Variants in BLM observed in about 807,000 individuals in gnomAD.
BLM encodes the protein BLM RecQ like helicase.
BLM carries 95 observed loss-of-function variants against 135.3 expected under a neutral mutation model. The ratio of observed to expected loss-of-function variants is 0.70; its 90% CI spans 0.59 to 0.83. The LOEUF (loss-of-function observed/expected upper bound fraction) is 0.83. Among genes scored for constraint, BLM ranks in the 40% least tolerant of loss-of-function variants. The probability of loss-of-function intolerance (pLI) is 0.00; values close to 1 mark genes in which losing one functional copy is unlikely to be tolerated. For synonymous variants in BLM, 520 were observed against 589.2 expected, an observed-to-expected ratio of 0.88 and a Z score of 1.70; for missense variants, 1,518 against 1,663.9, an observed-to-expected ratio of 0.91 and a Z score of 1.53.
chr15:90,810,679 A>G (rs1897392894), intron 20 of BLM, among the ~76,000 whole-genome samples: 1 of 152,240 alleles, frequency 6.6e-6, no homozygotes, highest in Non-Finnish European at 1.5e-5. Flanking sequence ...CATATTGTGC[A>G]AAGACAAGTT....
At chr15:90,778,364 G>A (rs946179485) in intron 12 of BLM, among the ~76,000 whole-genome samples, 2 of 152,174 alleles carry the variant, frequency 1.3e-5, no homozygotes, top group African/African-American at 2.4e-5. Context: ...TTTAGTAACA[G>A]CTTTGTTGCG....
rs568386496 is a variant in BLM, at chr15:90,761,303, A to C, written c.1882+48A>C. The C allele has an allele frequency of 2.3e-6, 3 of 1,321,166 alleles. No individual in the cohort carries two copies. In the Admixed American group the frequency reaches 8.6e-5, roughly 38 times the overall value. The allele number at this position is 1,321,166 out of a possible 1,614,324, so 81.8% of individuals were successfully genotyped here. ...GCTTATATGAAAACAAAACTGTCCCAAAATAGGAATTATATAAGAAAAACC... is the reference window on the plus strand; with the variant it reads ...GCTTATATGAAAACAAAACTGTCCCCAAATAGGAATTATATAAGAAAAACC... On this transcript the variant is annotated intron_variant, in intron 7 of 21. Transcript: ENST00000355112.
chr15:90,773,188 G>A (rs1896373440), intron 12 of BLM, among the ~76,000 whole-genome samples: 1 of 151,694 alleles, frequency 6.6e-6, no homozygotes. Context: ...GGGAGGCCAA[G>A]GGAGACGGAT....
In BLM at chr15:90,760,791, C is replaced by T. The variant is rs761284618; in HGVS notation, c.1418C>T (p.Thr473Ile). 1 of 1,613,818 alleles carries T rather than the reference C, an allele frequency of 6.2e-7. No homozygotes were observed. Among genetic ancestry groups the T allele is most frequent in the Non-Finnish European group, 8.5e-7 (1 of 1,179,996 alleles). Reference protein sequence around the residue: ...VSPGDCLLTTTLGKTGFSATR... With the variant: ...VSPGDCLLTTILGKTGFSATR... The stretch of plus-strand genomic sequence containing the variant: ...CCTGGGGACTGTTTACTGACTACCA[C>T]CCTAGGAAAGACAGGATTCTCTGCC... Residue 473 changes from threonine (T) to isoleucine (I), a missense_variant, in exon 7 of 22, where the codon ACC (threonine) becomes ATC (isoleucine). Physicochemically the swap from Thr to Ile is moderately conservative, Grantham distance 89. This residue lies in a region of BLM where 724 missense variants were observed against 756.9 expected (regional missense o/e 0.96). Coordinates refer to ENST00000355112, the MANE Select transcript of BLM (RefSeq NM_000057.4).
At position 90,792,930 on chromosome 15, in the gene BLM, A is replaced by T. The variant is rs184114764; in HGVS notation, c.3020-1237A>T. On this transcript the variant is annotated intron_variant, in intron 15 of 21. Transcript: ENST00000355112. The stretch of plus-strand genomic sequence containing the variant: ...TGGTTTGCCCATTTGTGTTTTTTTT[A>T]AAATCTATATTAAAGCTAGGCCCAA... Among the ~76,000 whole-genome samples, 883 of 150,106 alleles carry T rather than the reference A, an allele frequency of 5.9e-3. 13 individuals carry two copies. The highest frequency in any genetic ancestry group is 0.02 in the African/African-American group (801 of 40,512).
Position 90,760,282 on chromosome 15 carries a change from A to T in BLM, c.1220+3A>T, listed in dbSNP as rs1429490877. 2 of 1,614,032 alleles carry T rather than the reference A, an allele frequency of 1.2e-6. No homozygotes were observed. Among genetic ancestry groups the T allele is most frequent in the Non-Finnish European group, 1.7e-6 (2 of 1,179,990 alleles). On this transcript the variant is annotated splice_donor_region_variant and intron_variant, in intron 6 of 21. Coordinates refer to ENST00000355112, the MANE Select transcript of BLM (RefSeq NM_000057.4). ...CTGCTTCAGCAGCGGAACATAAGGT[A>T]TCTTAATTTTCCCCCTTCTGGAATA...
At position 90,791,230 on chromosome 15, in the gene BLM, C is replaced by T. The variant is rs924808698; in HGVS notation, c.3019+386C>T. 2.6e-4 allele frequency among the ~76,000 whole-genome samples: 40 copies of T among 152,120 alleles called. 1 individual carries two copies. Among genetic ancestry groups the T allele is most frequent in the Admixed American group, 8.5e-4 (13 of 15,264 alleles). On this transcript the variant is annotated intron_variant, in intron 15 of 21. Coordinates refer to ENST00000355112, the MANE Select transcript of BLM (RefSeq NM_000057.4). ...GAAAATAATGAGCTGTCATATACTA[C>T]CATCTGGATTAAGAAATAAAACACA...
chr15:90,772,482 C>T (rs540290556), intron 12 of BLM, among the ~76,000 whole-genome samples: 42 of 152,146 alleles, frequency 2.8e-4, no homozygotes, highest in Admixed American at 5.9e-4. Flanking sequence ...GTGTATTTAC[C>T]TCCTTGTCCA....
At chr15:90,804,561 T>C (rs961207492) in intron 19 of BLM, among the ~76,000 whole-genome samples, 12 of 152,144 alleles carry the variant, frequency 7.9e-5, no homozygotes, top group African/African-American at 2.9e-4. Flanking sequence ...CCTCCTGGGC[T>C]CAAGTGATCT....
intron 14 of BLM, among the ~76,000 whole-genome samples, chr15:90,786,701 C>T (rs1008124515): frequency 2.6e-5 from 4 of 151,788 alleles, no homozygotes; most frequent in Non-Finnish European, 2.9e-5. Flanking sequence ...CTGGAACTTC[C>T]GCCTCCTGGT....
At chr15:90,759,208 T>C (rs1263466948) in intron 5 of BLM, among the ~76,000 whole-genome samples, 12 of 152,068 alleles carry the variant, frequency 7.9e-5, no homozygotes, top group Non-Finnish European at 1.5e-4. Context: ...TAGGACAATA[T>C]ATGGTTGTTT....
At chr15:90,793,674 T>G (rs1054324613) in intron 15 of BLM, 1 of 152,506 alleles carries the variant, frequency 6.6e-6, no homozygotes, top group Admixed American at 6.5e-5. Context: ...GCTAATAATT[T>G]GGGTGATGTT....
rs889046632 is a variant in BLM at position 90,766,945 on chromosome 15, C to T, written c.2229C>T (p.Asp743=). 10 of 1,605,374 alleles carry T rather than the reference C, an allele frequency of 6.2e-6. No homozygotes were observed. The highest frequency in any genetic ancestry group is 8.5e-6 in the Non-Finnish European group (10 of 1,172,922). The part of the protein sequence containing the change: ...PATYLTGDKT[D]SEATNIYLQL... ...CATATCTGACAGGTGATAAGACTGA[C>T]TCAGAAGCTACAAATATTTACCTCC... The change falls in exon 10 of 22, where the codon GAC becomes GAT. Residue 743 remains aspartate (D), a synonymous_variant. Coordinates refer to ENST00000355112, the MANE Select transcript of BLM (RefSeq NM_000057.4).
rs569098841 is a variant in BLM at position 90,785,428 on chromosome 15, C to T, written c.2823+347C>T. Among the ~76,000 whole-genome samples, 198 of 152,258 alleles carry T rather than the reference C, an allele frequency of 1.3e-3. 1 individual carries two copies. The highest frequency in any genetic ancestry group is 4.5e-3 in the African/African-American group (187 of 41,568). ...TCATACCCAGTCACTTCCCCCACCC[C>T]CTAATGCCTGGAAACCACAAATCTA... is the stretch of plus-strand genomic sequence containing the variant. On this transcript the variant is annotated intron_variant, in intron 14 of 21. Transcript: ENST00000355112.
At position 90,761,218 on chromosome 15, in the gene BLM, A is replaced by G. The variant is rs1369156586; in HGVS notation, c.1845A>G (p.Gln615=). 2 of 1,533,656 alleles carry G rather than the reference A, an allele frequency of 1.3e-6. No homozygotes were observed. The highest frequency in any genetic ancestry group is 8.7e-7 in the Non-Finnish European group (1 of 1,144,906). The change falls in exon 7 of 22, where the codon CAA becomes CAG. Residue 615 remains glutamine (Q), a synonymous_variant. Transcript: ENST00000355112. Reference sequence around the variant, plus strand: ...GTCTTCCAGTGTCATCTACTGCTCAAAATATAAACTTCTCAGAGTCAATTC... The same window carrying G: ...GTCTTCCAGTGTCATCTACTGCTCAGAATATAAACTTCTCAGAGTCAATTC... ...TDCLPVSSTA[Q]NINFSESIQN... is the part of the protein sequence containing the mutation.
At chr15:90,800,005 T>C (rs1040602997) in intron 17 of BLM, among the ~76,000 whole-genome samples, 8 of 152,164 alleles carry the variant, frequency 5.3e-5, no homozygotes, top group African/African-American at 1.9e-4. Flanking sequence ...TTAAGTGTGG[T>C]GTGAAGTCTT....
intron 1 of BLM, among the ~76,000 whole-genome samples, chr15:90,742,864 G>A (rs1416846481): frequency 6.6e-6 from 1 of 151,980 alleles, no homozygotes; most frequent in Admixed American, 6.6e-5. Context: ...TGCAGCTCCT[G>A]GGCTCAAGCG....
intron 13 of BLM, among the ~76,000 whole-genome samples, chr15:90,783,129 C>A (rs1224019501): frequency 2.0e-5 from 3 of 152,138 alleles, no homozygotes; most frequent in African/African-American, 7.2e-5. Context: ...TAAATTCTAA[C>A]AAAAATATAT....
chr15:90,761,520 A>C (rs1012693000), intron 7 of BLM, among the ~76,000 whole-genome samples: 3 of 152,204 alleles, frequency 2.0e-5, no homozygotes, highest in African/African-American at 7.2e-5. Flanking sequence ...CCTTTGAATT[A>C]ACATTTTTTA....
Sources: gnomAD v4.1 joint callset for allele counts (sites outside exome capture counted in the v4.1 genomes callset) on GRCh38, gnomAD v4.1.1 for gene constraint, gnomAD v4.1.1 regional missense constraint, MANE v1.5 for transcripts, NCBI Gene and HGNC (gene_info 2026-07-23, HGNC 2026-07-21) for gene names.